The following SPATA7 variants were observed in gnomAD, a reference collection of about 807,000 sequenced individuals.
SPATA7 encodes the protein spermatogenesis associated 7.
SPATA7 carries 43 observed loss-of-function variants against 51.8 expected under a neutral mutation model. The observed-to-expected ratio is 0.83, with a 90% CI of 0.65 to 1.07. The LOEUF (loss-of-function observed/expected upper bound fraction) is 1.07, where lower values mean the gene tolerates loss of function less well. Among genes scored for constraint, SPATA7 ranks in the 50% least tolerant of loss-of-function variants. The pLI is 0.00. For synonymous variants in SPATA7, 230 were observed against 252.8 expected (o/e 0.91, Z 0.86); for missense variants, 683 against 701.3 (o/e 0.97, Z 0.30).
At chr14:88,406,489 A>G (rs2076202922) in intron 4 of SPATA7, among the ~76,000 whole-genome samples, 2 of 150,788 alleles carry the variant, frequency 1.3e-5, no homozygotes, top group Admixed American at 6.6e-5. Context: ...AAGAAATTCT[A>G]TTAAATAAAT....
At chr14:88,419,620 G>A (rs1408510051) in intron 5 of SPATA7, among the ~76,000 whole-genome samples, 11 of 150,528 alleles carry the variant, frequency 7.3e-5, no homozygotes, top group African/African-American at 9.8e-5. Context: ...TCTGCCTCCC[G>A]GGTTCACGCC....
intron 3 of SPATA7, among the ~76,000 whole-genome samples, chr14:88,448,770 T>G (rs890384686): frequency 2.0e-5 from 3 of 152,156 alleles, no homozygotes; most frequent in South Asian, 2.1e-4. Context: ...TGCCCCTGCT[T>G]GGGGGTGCCT....
intron 4 of SPATA7, among the ~76,000 whole-genome samples, chr14:88,402,564 A>G (rs1175287764): frequency 6.6e-6 from 1 of 152,204 alleles, no homozygotes; most frequent in Non-Finnish European, 1.5e-5. Flanking sequence ...TCATCAATGA[A>G]TGACTCTGGG....
intron 4 of SPATA7, among the ~76,000 whole-genome samples, chr14:88,461,710 A>G (rs1437444100): frequency 6.6e-6 from 1 of 151,474 alleles, no homozygotes; most frequent in South Asian, 2.1e-4. Flanking sequence ...GGCTGCACCC[A>G]CTGTCCTGCC....
chr14:88,428,123 A>G (rs1318360821), intron 7 of SPATA7: 1 of 153,420 alleles, frequency 6.5e-6, no homozygotes, highest in Non-Finnish European at 1.5e-5. Flanking sequence ...TATAAGAATA[A>G]GTAGCTGTTA....
At chr14:88,456,030 C>A (rs2077282077), downstream of SPATA7, among the ~76,000 whole-genome samples, 1 of 152,030 alleles carries the variant, frequency 6.6e-6, no homozygotes, top group South Asian at 2.1e-4. Context: ...CCAGCTTCAT[C>A]CATGTCCCTA....
rs1272444449 is a variant in SPATA7, at chr14:88,469,871, T to G, written c.*4T>G. On this transcript the variant is annotated 3_prime_UTR_variant, in exon 5 of 5. Coordinates refer to the SPATA7 transcript ENST00000556406. The surrounding 1 kb of genome is among the most constrained non-coding windows in gnomAD (Gnocchi z 4.3). The stretch of plus-strand genomic sequence containing the variant: ...GGTCAGGATTCCAGATGATTAACAT[T>G]AACTGTTCTTCAGAGGCTGAGAAAA... 5 of 1,611,508 alleles carry G rather than the reference T, an allele frequency of 3.1e-6. No individual in the cohort carries two copies. Among genetic ancestry groups the G allele is most frequent in the Non-Finnish European group, 4.2e-6 (5 of 1,177,932 alleles).
Position 88,415,205 on chromosome 14 carries a change from G to T in SPATA7, c.239-1506G>T, listed in dbSNP as rs141328187. On this transcript the variant is annotated intron_variant, in intron 4 of 11. Transcript: ENST00000393545. ...TGTGGCTGTCTAAATCTTTTCATAG[G>T]TCTAGAAGTACTTGTATGAATCTGG... 613 of 346,584 alleles carry T rather than the reference G, an allele frequency of 1.8e-3. 2 individuals are homozygous for T. The highest frequency in any genetic ancestry group is 0.012 in the African/African-American group (573 of 46,744). The allele number at this position is 346,584 out of a possible 1,614,324, so 21.5% of individuals were successfully genotyped here.
chr14:88,412,942 A>G (rs1315660798), intron 4 of SPATA7, among the ~76,000 whole-genome samples: 1 of 152,160 alleles, frequency 6.6e-6, no homozygotes, highest in Non-Finnish European at 1.5e-5. Flanking sequence ...TAGGTCTTAC[A>G]TTTAAATCTT....
intron 10 of SPATA7, among the ~76,000 whole-genome samples, chr14:88,435,846 G>A (rs1024073659): frequency 3.3e-5 from 5 of 152,056 alleles, no homozygotes; most frequent in African/African-American, 1.2e-4. Context: ...ACACTTAGTT[G>A]CTTCCAAATC....
rs544866788 is a variant in SPATA7, at chr14:88,469,694, G to C, written c.255-153G>C. ...GTGACAGTGTTGTGCCTGGAACCAA[G>C]TCGTGGCCAGTACCTAAAGCTCTTC... On this transcript the variant is annotated intron_variant, in intron 4 of 4. Coordinates refer to the SPATA7 transcript ENST00000556406. The surrounding 1 kb of genome is among the most constrained non-coding windows in gnomAD (Gnocchi z 4.3). The C allele has an allele frequency of 2.5e-6, 4 of 1,614,174 alleles. No individual in the cohort carries two copies. The African/African-American group carries it at 5.3e-5, about 22-fold the overall frequency.
At chr14:88,417,551 C>G (rs1266649106) in intron 5 of SPATA7, among the ~76,000 whole-genome samples, 1 of 152,032 alleles carries the variant, frequency 6.6e-6, no homozygotes, top group Non-Finnish European at 1.5e-5. Flanking sequence ...AGTGATCTGC[C>G]CACCTCGGCC....
chr14:88,438,461 T>C (rs747029216), downstream of SPATA7: 9 of 1,430,524 alleles, frequency 6.3e-6, no homozygotes, highest in Non-Finnish European at 8.8e-6. Flanking sequence ...AGTAACTCAA[T>C]ATTACTTTTC....
chr14:88,406,369 C>A (rs2076197901), intron 4 of SPATA7, among the ~76,000 whole-genome samples: 1 of 151,204 alleles, frequency 6.6e-6, no homozygotes, highest in African/African-American at 2.4e-5. Flanking sequence ...TTATGAAGAT[C>A]CCTTGTACCC....
intron 3 of SPATA7, 72 bp from the exon 4 acceptor site, chr14:88,396,084 T>G: frequency 8.1e-7 from 1 of 1,240,302 alleles, no homozygotes; most frequent in Non-Finnish European, 1.2e-6. Context: ...GAACATTTTG[T>G]GATTTCCACA....
intron 3 of SPATA7, among the ~76,000 whole-genome samples, chr14:88,449,622 GTTTC>G (rs574235552): frequency 9.9e-5 from 15 of 152,264 alleles, no homozygotes; most frequent in African/African-American, 3.4e-4. Context: ...TAAGTCCATA[GTTTC>G]TTTGTTGACT....
At chr14:88,393,943 A>G (rs2075812241) in intron 3 of SPATA7, among the ~76,000 whole-genome samples, 2 of 152,192 alleles carry the variant, frequency 1.3e-5, no homozygotes, top group African/African-American at 2.4e-5. Flanking sequence ...TATAAATACT[A>G]CTACAACCAT....
chr14:88,442,420 T>C (rs2077184029), downstream of SPATA7, among the ~76,000 whole-genome samples: 2 of 152,106 alleles, frequency 1.3e-5, no homozygotes. Context: ...ATGTGGGCCA[T>C]GTTGGCCAGG....
intron 1 of SPATA7, among the ~76,000 whole-genome samples, chr14:88,388,381 G>A (rs73319853): frequency 6.9e-4 from 105 of 152,274 alleles, no homozygotes; most frequent in African/African-American, 2.5e-3. Context: ...TCATATACCA[G>A]TGAATTTCAC....
Sources: allele counts gnomAD v4.1 joint callset (sites outside exome capture counted in the v4.1 genomes callset), GRCh38; gene constraint gnomAD v4.1.1; non-coding constraint Gnocchi (gnomAD v3.1); transcripts MANE v1.5; gene names NCBI Gene and HGNC (gene_info 2026-07-23, HGNC 2026-07-21).